TMCO6: variants seen among roughly 807,000 people sequenced by gnomAD.
TMCO6 encodes the protein transmembrane and coiled-coil domain-containing protein 6.
A neutral mutation model predicts 61.8 loss-of-function variants in TMCO6; 47 were observed. The observed-to-expected ratio is 0.76, with a 90% CI of 0.60 to 0.97. TMCO6 has a LOEUF of 0.97. TMCO6 is among the 50% of genes least tolerant of loss of function. The probability of loss-of-function intolerance (pLI) is 0.00; values close to 1 mark genes in which losing one functional copy is unlikely to be tolerated. For missense variants in TMCO6, 557 were observed against 601.6 expected (o/e 0.93, Z 0.78); for synonymous variants, 261 against 254.2 (o/e 1.03, Z -0.25).
the TMCO6 span, among the ~76,000 whole-genome samples, chr5:140,617,236 G>A: frequency 1.3e-5 from 2 of 152,024 alleles, no homozygotes; most frequent in African/African-American, 4.8e-5. Flanking sequence ...GACCAGCCTG[G>A]CCAACATGGT....
the TMCO6 span, chr5:140,633,008 C>G: frequency 9.3e-6 from 15 of 1,613,966 alleles, no homozygotes; most frequent in African/African-American, 1.3e-5. Flanking sequence ...GTCTAGGAGG[C>G]CCCATCCAAC....
Position 140,639,766 on chromosome 5 carries a change from A to G in TMCO6, c.113A>G (p.Gln38Arg). The change falls in exon 2 of 12, where the codon CAG (glutamine) becomes CGG (arginine). Residue 38 changes from glutamine (Q) to arginine (R), a missense_variant. Transcript: ENST00000394671. Reference protein sequence around the residue: ...AALRKARREQQLVSKRLLRND... With the variant: ...AALRKARREQRLVSKRLLRND... ...CTGCGGAAGGCGCGGAGGGAGCAGCAGCTGGTCAGCAAGAGGCTGCTGAGA... is the reference window on the plus strand; with the variant it reads ...CTGCGGAAGGCGCGGAGGGAGCAGCGGCTGGTCAGCAAGAGGCTGCTGAGA... The G allele has an allele frequency of 6.2e-7, 1 of 1,604,588 alleles. No individual in the cohort carries two copies. Among genetic ancestry groups the G allele is most frequent in the Non-Finnish European group, 8.5e-7 (1 of 1,176,446 alleles).
chr5:140,615,209 A>G, the TMCO6 span, among the ~76,000 whole-genome samples: 2 of 152,234 alleles, frequency 1.3e-5, no homozygotes, highest in Non-Finnish European at 2.9e-5. Flanking sequence ...AGCATGAAAA[A>G]GAATAATAAA....
At chr5:140,639,146 T>G, upstream of TMCO6, 1 of 196,174 alleles carries the variant, frequency 5.1e-6, no homozygotes. Context: ...TTCGGGATTG[T>G]TTTGAACTTT....
chr5:140,632,756 G>T, the TMCO6 span: 4 of 1,613,454 alleles, frequency 2.5e-6, no homozygotes, highest in South Asian at 3.3e-5. The surrounding 1 kb of genome is among the most constrained non-coding windows in gnomAD (Gnocchi z 6.2). Context: ...GCGGGTCGGC[G>T]TCCGCATCGA....
chr5:140,645,851 T>A, downstream of TMCO6: 1 of 1,178,200 alleles, frequency 8.5e-7, no homozygotes, highest in Non-Finnish European at 1.2e-6. Context: ...CTCAAACACA[T>A]CTAGGAAGCC....
the TMCO6 span, among the ~76,000 whole-genome samples, chr5:140,628,015 T>C: frequency 1.3e-5 from 2 of 151,338 alleles, no homozygotes. Flanking sequence ...GACTATCTTT[T>C]TTTTTTTTTT....
the TMCO6 span, among the ~76,000 whole-genome samples, chr5:140,626,808 T>A: frequency 6.6e-6 from 1 of 152,162 alleles, no homozygotes; most frequent in East Asian, 1.9e-4. Flanking sequence ...TGCCTTGGCC[T>A]CCCAAAGTGC....
intron 9 of TMCO6, 59 bp from the exon 10 acceptor site, chr5:140,644,041 G>A (rs779567734): frequency 1.4e-5 from 22 of 1,612,940 alleles, no homozygotes; most frequent in Non-Finnish European, 1.8e-5. Flanking sequence ...GCTGAGGTGG[G>A]TAGTATTGAC....
At chr5:140,645,871 A>G, downstream of TMCO6, 1 of 1,084,624 alleles carries the variant, frequency 9.2e-7, no homozygotes, top group Non-Finnish European at 1.3e-6. Context: ...CCAAGTCCAA[A>G]TAGAATTTTG....
In TMCO6 at chr5:140,641,929, A is replaced by T; in HGVS notation, c.374A>T (p.Gln125Leu). The T allele has an allele frequency of 1.2e-6, 2 of 1,613,840 alleles. No homozygotes were observed. Among genetic ancestry groups the T allele is most frequent in the East Asian group, 4.5e-5 (2 of 44,872 alleles). ...CTGACCAGCAACCAGGCCCTGCTGC[A>T]GCTTGAGGCGGCTCGGTGCCTGCAT... The part of the protein sequence containing the change: ...GLLTSNQALL[Q>L]LEAARCLHEL... Residue 125 changes from glutamine (Q) to leucine (L), a missense_variant, in exon 4 of 12, where the codon CAG becomes CTG. Physicochemically the swap from Gln to Leu is moderately radical, Grantham distance 113. Transcript: ENST00000394671.
chr5:140,643,701 C>G (rs201233617), intron 8 of TMCO6, 26 bp downstream of exon 8: 127 of 1,605,162 alleles, frequency 7.9e-5, no homozygotes, highest in Middle Eastern at 1.7e-4. Context: ...AGGTGAAATT[C>G]TGGGAGATGT....
chr5:140,612,334 C>CAT, the TMCO6 span, among the ~76,000 whole-genome samples: 1 of 112,228 alleles, frequency 8.9e-6, no homozygotes, highest in South Asian at 2.7e-4. Flanking sequence ...CTTGCCCAAT[C>CAT]TTTTTTTTTT....
chr5:140,612,690 G>T, the TMCO6 span, among the ~76,000 whole-genome samples: 1 of 152,134 alleles, frequency 6.6e-6, no homozygotes, highest in African/African-American at 2.4e-5. Flanking sequence ...CCCGACCTCC[G>T]ACCTTGGTTG....
the TMCO6 span, among the ~76,000 whole-genome samples, chr5:140,629,841 GA>G: frequency 6.6e-6 from 1 of 151,496 alleles, no homozygotes; most frequent in Non-Finnish European, 1.5e-5. Flanking sequence ...GCTGAGGCAG[GA>G]GATTTGCTTG....
chr5:140,602,587 A>C, the TMCO6 span, among the ~76,000 whole-genome samples: 1 of 151,902 alleles, frequency 6.6e-6, no homozygotes, highest in Admixed American at 6.6e-5. Context: ...AACATAGCCA[A>C]ACCCCATCTC....
At chr5:140,646,031 G>A (rs1361099546), downstream of TMCO6, among the ~76,000 whole-genome samples, 11 of 133,424 alleles carry the variant, frequency 8.2e-5, no homozygotes, top group Non-Finnish European at 1.4e-4. Context: ...TTTTTTTTGA[G>A]ACGGAGTCTC....
At chr5:140,636,180 T>C (rs1756766852), upstream of TMCO6, among the ~76,000 whole-genome samples, 1 of 152,166 alleles carries the variant, frequency 6.6e-6, no homozygotes, top group Non-Finnish European at 1.5e-5. Context: ...GCATTTTTAG[T>C]AGAGACGGGG....
chr5:140,624,852 C>CT, the TMCO6 span, among the ~76,000 whole-genome samples: 12 of 105,416 alleles, frequency 1.1e-4, 1 homozygote, highest in African/African-American at 3.5e-4. Flanking sequence ...TTCTTTCTTT[C>CT]TTTCTTTTTT....
Sources: allele counts gnomAD v4.1 joint callset (sites outside exome capture counted in the v4.1 genomes callset), GRCh38; gene constraint gnomAD v4.1.1; non-coding constraint Gnocchi (gnomAD v3.1); transcripts MANE v1.5; gene names NCBI Gene and HGNC (gene_info 2026-07-23, HGNC 2026-07-21).